The following LDB2 variants were observed in gnomAD, a reference collection of about 807,000 sequenced individuals.
The protein encoded by LDB2 is LIM domain-binding protein 2.
LDB2 carries 12 observed loss-of-function variants against 44.3 expected under a neutral mutation model. The ratio of observed to expected loss-of-function variants is 0.27; its 90% CI spans 0.17 to 0.44. The LOEUF is 0.44. Among genes scored for constraint, LDB2 ranks in the 20% least tolerant of loss-of-function variants. The pLI, the probability that LDB2 is intolerant of heterozygous loss-of-function variation, is 1.00. For missense variants in LDB2, 344 were observed against 473.5 expected, an observed-to-expected ratio of 0.73 and a Z score of 2.54; for synonymous variants, 164 against 174.8, an observed-to-expected ratio of 0.94 and a Z score of 0.49.
At chr4:16,783,887 T>C (rs369641354) in intron 1 of LDB2, among the ~76,000 whole-genome samples, 1 of 152,196 alleles carries the variant, frequency 6.6e-6, no homozygotes, top group East Asian at 1.9e-4. Context: ...CAATGTATAA[T>C]TGCTTGCTTT....
intron 2 of LDB2, among the ~76,000 whole-genome samples, chr4:16,654,160 A>C (rs1179644924): frequency 1.3e-5 from 2 of 152,222 alleles, no homozygotes; most frequent in Non-Finnish European, 2.9e-5. Context: ...TTTGAGGGTG[A>C]GAACCTTGAA....
rs1218763626 is a variant in LDB2, at chr4:16,766,468, A to ATGTGTGTGTGTGTGTGTGTG, written c.133-7228_133-7209dup. On this transcript the variant is annotated intron_variant, in intron 1 of 7. Transcript: ENST00000304523. The stretch of plus-strand genomic sequence containing the variant: ...TGTGTATATATATACACACACATAT[A>ATGTGTGTGTGTGTGTGTGTG]TGTGTGTGTGTGTGTGTGTGTGTGT... Among the ~76,000 whole-genome samples the ATGTGTGTGTGTGTGTGTGTG allele has an allele frequency of 7.3e-5, 3 of 41,310 alleles. No homozygotes were observed. The Admixed American group carries it at 8.6e-4, about 12-fold the overall frequency. 27.1% of individuals were successfully genotyped at this position (41,310 alleles called of 152,430 possible).
chr4:16,874,508 G>A (rs1717774752), intron 1 of LDB2, among the ~76,000 whole-genome samples: 1 of 152,126 alleles, frequency 6.6e-6, no homozygotes, highest in Non-Finnish European at 1.5e-5. Flanking sequence ...GGGTGCGAAT[G>A]GTTTGGAAGA....
At chr4:16,734,500 C>A (rs539083) in intron 2 of LDB2, among the ~76,000 whole-genome samples, 1 of 152,108 alleles carries the variant, frequency 6.6e-6, no homozygotes, top group Non-Finnish European at 1.5e-5. Context: ...AAAAAAGGTT[C>A]TCCAACAAAC....
At chr4:16,589,210 A>T (rs930984149) in intron 3 of LDB2, among the ~76,000 whole-genome samples, 2 of 152,176 alleles carry the variant, frequency 1.3e-5, no homozygotes, top group African/African-American at 4.8e-5. Flanking sequence ...TCTTATTCTA[A>T]TCTTGGTTAT....
At chr4:16,805,510 A>T (rs1439520002) in intron 1 of LDB2, among the ~76,000 whole-genome samples, 1 of 152,226 alleles carries the variant, frequency 6.6e-6, no homozygotes, top group Non-Finnish European at 1.5e-5. Context: ...GAAGAGGTGG[A>T]GAACAATGCA....
intron 6 of LDB2, 83 bp from the exon 7 acceptor site, chr4:16,508,769 T>C (rs1258534141): frequency 1.5e-6 from 2 of 1,362,182 alleles, no homozygotes; most frequent in African/African-American, 2.9e-5. Flanking sequence ...CTAAGGAAGC[T>C]GTCTTGGTAA....
At chr4:16,550,775 G>C (rs74694840) in intron 5 of LDB2, among the ~76,000 whole-genome samples, 1,824 of 152,250 alleles carry the variant, frequency 0.012, 41 homozygotes, top group African/African-American at 0.042. Flanking sequence ...GAGGAATTTG[G>C]CACACATAAA....
At chr4:16,727,305 A>C (rs1180913765) in intron 2 of LDB2, among the ~76,000 whole-genome samples, 1 of 152,222 alleles carries the variant, frequency 6.6e-6, no homozygotes, top group Non-Finnish European at 1.5e-5. Flanking sequence ...AGGAAGAAAC[A>C]ACCTCAGCAA....
At chr4:16,588,274 C>A (rs900371976) in intron 4 of LDB2, among the ~76,000 whole-genome samples, 1 of 152,178 alleles carries the variant, frequency 6.6e-6, no homozygotes, top group Non-Finnish European at 1.5e-5. Flanking sequence ...TGACACAAAT[C>A]TGAAGATAGA....
intron 2 of LDB2, among the ~76,000 whole-genome samples, chr4:16,601,612 T>C (rs934494848): frequency 6.6e-6 from 1 of 152,224 alleles, no homozygotes; most frequent in Non-Finnish European, 1.5e-5. Flanking sequence ...TTATTTACCA[T>C]ACTAGGATTT....
intron 2 of LDB2, among the ~76,000 whole-genome samples, chr4:16,633,866 T>C (rs1398437901): frequency 6.6e-6 from 1 of 152,160 alleles, no homozygotes; most frequent in Non-Finnish European, 1.5e-5. Flanking sequence ...CAAACTATAC[T>C]AAAAGGCTAC....
intron 1 of LDB2, among the ~76,000 whole-genome samples, chr4:16,811,665 A>G (rs567075383): frequency 3.9e-5 from 6 of 152,360 alleles, no homozygotes; most frequent in African/African-American, 1.4e-4. Flanking sequence ...TTAGTAGAAT[A>G]ACTATTTTGT....
chr4:16,562,076 G>T (rs1201909475), intron 5 of LDB2, among the ~76,000 whole-genome samples: 1 of 152,136 alleles, frequency 6.6e-6, no homozygotes, highest in Non-Finnish European at 1.5e-5. Flanking sequence ...ATTCAAGATG[G>T]ATTAAAGACT....
At chr4:16,795,505 G>C (rs1486793895) in intron 1 of LDB2, among the ~76,000 whole-genome samples, 1 of 152,120 alleles carries the variant, frequency 6.6e-6, no homozygotes, top group African/African-American at 2.4e-5. Flanking sequence ...GGAAACCCTT[G>C]AAGGGTTTCC....
intron 5 of LDB2, among the ~76,000 whole-genome samples, chr4:16,556,335 C>T (rs188869708): frequency 1.3e-5 from 2 of 152,274 alleles, no homozygotes; most frequent in Admixed American, 6.5e-5. Context: ...TGAATAAATG[C>T]CTGGCACATA....
chr4:16,552,571 C>G (rs1245904567), intron 5 of LDB2, among the ~76,000 whole-genome samples: 2 of 152,086 alleles, frequency 1.3e-5, no homozygotes, highest in Non-Finnish European at 2.9e-5. Flanking sequence ...TTACTCTTCT[C>G]TTTTTTAATC....
In LDB2 at chr4:16,626,065, A is replaced by T. The variant is rs1043524537; in HGVS notation, c.236-30190T>A. On this transcript the variant is annotated intron_variant, in intron 2 of 7. Coordinates refer to ENST00000304523, the MANE Select transcript of LDB2 (RefSeq NM_001290.5). ...AGCACACTGCATATTTGATTGAACCATGGCTTTGTGCATTATCTTATTCTA... is the reference window on the plus strand; with the variant it reads ...AGCACACTGCATATTTGATTGAACCTTGGCTTTGTGCATTATCTTATTCTA... 2.0e-5 allele frequency among the ~76,000 whole-genome samples: 3 copies of T among 152,320 alleles called. No individual in the cohort carries two copies. In the South Asian group the frequency reaches 6.2e-4, roughly 32 times the overall value.
chr4:16,628,902 A>G (rs753003935), intron 2 of LDB2, among the ~76,000 whole-genome samples: 1 of 152,144 alleles, frequency 6.6e-6, no homozygotes, highest in Non-Finnish European at 1.5e-5. Context: ...TTCTGCCCAA[A>G]TACTGCACTT....
Sources: allele counts gnomAD v4.1 joint callset (sites outside exome capture counted in the v4.1 genomes callset), GRCh38; gene constraint gnomAD v4.1.1; transcripts MANE v1.5; gene names NCBI Gene and HGNC (gene_info 2026-07-23, HGNC 2026-07-21).